The following MED13 variants were observed in gnomAD, a reference collection of about 807,000 sequenced individuals.
The protein encoded by MED13 is mediator complex subunit 13, also known as mediator of RNA polymerase II transcription subunit 13.
MED13 carries 23 observed loss-of-function variants against 225.2 expected under a neutral mutation model. The observed-to-expected ratio is 0.10, with a 90% confidence interval of 0.07 to 0.14. The LOEUF (loss-of-function observed/expected upper bound fraction) is 0.14. Among genes scored for constraint, MED13 ranks in the 10% least tolerant of loss-of-function variants. The pLI is 1.00. For missense variants in MED13, 2,197 were observed against 2,594.5 expected, an observed-to-expected ratio of 0.85 and a Z score of 3.33; for synonymous variants, 942 against 889.2, an observed-to-expected ratio of 1.06 and a Z score of -1.06.
chr17:61,985,471 T>C (rs1165953828), intron 12 of MED13, among the ~76,000 whole-genome samples: 1 of 152,072 alleles, frequency 6.6e-6, no homozygotes. Flanking sequence ...GGCCAGGAGT[T>C]TGAGACCAGC....
In MED13 at chr17:61,950,893, C is replaced by T. The variant is rs2079890983; in HGVS notation, c.6223G>A (p.Gly2075Ser). 6.2e-7 allele frequency: 1 copy of T among 1,613,834 alleles called. No individual in the cohort carries two copies. Reference protein sequence around the residue: ...LGYFVSTAKAGPLPDWFWSAC... With the variant: ...LGYFVSTAKASPLPDWFWSAC... ...GACCAGAACCAGTCAGGTAATGGAC[C>T]TGCTTTGGCAGTTGATACAAAGTAA... Residue 2075 changes from glycine to serine, a missense_variant, in exon 28 of 30, where the codon GGT becomes AGT. Gly to Ser is a moderately conservative substitution (Grantham distance 56). Transcript: ENST00000397786.
At chr17:61,967,557 C>T (rs955966264) in intron 18 of MED13, among the ~76,000 whole-genome samples, 1 of 151,956 alleles carries the variant, frequency 6.6e-6, no homozygotes, top group African/African-American at 2.4e-5. Context: ...AATTATTGCG[C>T]CTGGTGATGG....
chr17:62,053,990 A>G (rs1283168022), intron 2 of MED13, among the ~76,000 whole-genome samples: 1 of 152,150 alleles, frequency 6.6e-6, no homozygotes, highest in Admixed American at 6.5e-5. Context: ...CAAAGCAACT[A>G]ATTTTTTTTT....
In MED13 at chr17:61,945,246, T is replaced by C. The variant is rs989236656; in HGVS notation, c.*1222A>G. The stretch of plus-strand genomic sequence containing the variant: ...GCGCACACACACACACCCATACATA[T>C]GCATACTCTCACATACATTCCCAAT... On this transcript the variant is annotated 3_prime_UTR_variant, in exon 30 of 30. Coordinates refer to ENST00000397786, the MANE Select transcript of MED13 (RefSeq NM_005121.3). The C allele has an allele frequency of 3.3e-5, 5 of 151,904 alleles. No homozygotes were observed. Among genetic ancestry groups the C allele is most frequent in the Admixed American group, 6.6e-5 (1 of 15,234 alleles). 9.4% of individuals were successfully genotyped at this position (151,904 alleles called of 1,614,324 possible).
chr17:62,029,769 T>G (rs985015322), intron 7 of MED13, 82 bp downstream of exon 7: 2 of 1,513,540 alleles, frequency 1.3e-6, no homozygotes, highest in African/African-American at 1.4e-5. Context: ...ATCAAACAAA[T>G]GACTGTTTAT....
At position 61,955,652 on chromosome 17, in the gene MED13, A is replaced by G. The variant is rs761397013; in HGVS notation, c.5782+28T>C. On this transcript the variant is annotated intron_variant, in intron 25 of 29. Transcript: ENST00000397786. ...AAAAACTTAACTGCATAAAGAATTA[A>G]ATCTGATATAAACTAAAGATAGCTA... 1.3e-5 allele frequency: 20 copies of G among 1,576,584 alleles called. No homozygotes were observed. The East Asian group carries it at 4.3e-4, about 34-fold the overall frequency.
chr17:61,974,577 G>C (rs2080137648), intron 16 of MED13, among the ~76,000 whole-genome samples: 1 of 151,860 alleles, frequency 6.6e-6, no homozygotes, highest in Admixed American at 6.6e-5. Context: ...AAAAAGGAGT[G>C]ATCATGGAGG....
At chr17:62,002,489 CAAAAAAA>C (rs35736875) in intron 9 of MED13, among the ~76,000 whole-genome samples, 1 of 50,638 alleles carries the variant, frequency 2.0e-5, no homozygotes, top group African/African-American at 5.0e-5. Flanking sequence ...AACTCCATCT[CAAAAAAA>C]AAAAAAAAAA....
At chr17:62,020,556 CT>C (rs2080630713) in intron 8 of MED13, among the ~76,000 whole-genome samples, 1 of 151,386 alleles carries the variant, frequency 6.6e-6, no homozygotes, top group South Asian at 2.1e-4. Flanking sequence ...TTTTTTTGTA[CT>C]TTTAGTAGAG....
chr17:62,000,857 G>A (rs554970470), intron 9 of MED13, among the ~76,000 whole-genome samples: 18 of 152,260 alleles, frequency 1.2e-4, no homozygotes, highest in Admixed American at 1.2e-3. Flanking sequence ...CTGGCTCCCA[G>A]GTTTAAGCGA....
At chr17:61,963,202 C>CAAAAAAAAAAAA (rs11290002) in intron 20 of MED13, among the ~76,000 whole-genome samples, 102 of 55,812 alleles carry the variant, frequency 1.8e-3, no homozygotes, top group Admixed American at 3.5e-3. Context: ...TTAAATTTAC[C>CAAAAAAAAAAAA]AAAAAAAAAA....
At chr17:61,960,106 A>C (rs1204345209) in intron 23 of MED13, among the ~76,000 whole-genome samples, 2 of 152,132 alleles carry the variant, frequency 1.3e-5, no homozygotes, top group Non-Finnish European at 1.5e-5. Context: ...CTAGCCTTGA[A>C]AACATGTTTC....
chr17:62,050,834 T>C (rs1389637814), intron 3 of MED13, among the ~76,000 whole-genome samples: 4 of 152,160 alleles, frequency 2.6e-5, no homozygotes, highest in Middle Eastern at 3.4e-3. Flanking sequence ...CAAAACCCCG[T>C]TTCTACTAAA....
intron 11 of MED13, among the ~76,000 whole-genome samples, chr17:61,988,899 T>C (rs1189397404): frequency 2.0e-5 from 3 of 152,116 alleles, no homozygotes; most frequent in South Asian, 2.1e-4. Flanking sequence ...CAATTTACAA[T>C]AGATCTCTTG....
At chr17:62,056,345 G>C (rs1307669706) in intron 2 of MED13, among the ~76,000 whole-genome samples, 4 of 152,296 alleles carry the variant, frequency 2.6e-5, no homozygotes, top group African/African-American at 9.6e-5. Flanking sequence ...ACAAGTTCTT[G>C]AATCTCAACA....
In MED13 at chr17:62,010,990, T is replaced by C. The variant is rs755611745; in HGVS notation, c.1527A>G (p.Ser509=). The part of the protein sequence containing the change: ...ISAPDSQVRF[S]NIRTNDVAKT... ...TTGCTACATCATTAGTTCGGATATT[T>C]GAAAATCTCACTTGACTGTCTGGAG... Residue 509 remains serine, a synonymous_variant, in exon 9 of 30, where the codon TCA becomes TCG. Transcript: ENST00000397786. 35 of 1,613,512 alleles carry C rather than the reference T, an allele frequency of 2.2e-5. No homozygotes were observed. Among genetic ancestry groups the C allele is most frequent in the Non-Finnish European group, 2.7e-5 (32 of 1,179,526 alleles).
In MED13 at chr17:61,983,218, A is replaced by G. The variant is rs1016129933; in HGVS notation, c.2889-104T>C. The G allele has an allele frequency of 3.8e-5, 36 of 935,854 alleles. No individual in the cohort carries two copies. The South Asian group carries it at 6.6e-4, about 17-fold the overall frequency. 58.0% of individuals were successfully genotyped at this position (935,854 alleles called of 1,614,324 possible). On this transcript the variant is annotated intron_variant, in intron 15 of 29. Transcript: ENST00000397786. Reference sequence around the variant, plus strand: ...TCCCAAATGTTTTTCAATTACATAGAAAATTATGAAAGGACAAGTATTGCA... The same window carrying G: ...TCCCAAATGTTTTTCAATTACATAGGAAATTATGAAAGGACAAGTATTGCA...
rs769833975 is a variant in MED13, at chr17:62,011,149, G to C, written c.1368C>G (p.His456Gln). 3 of 1,614,062 alleles carry C rather than the reference G, an allele frequency of 1.9e-6. No individual in the cohort carries two copies. The South Asian group carries it at 3.3e-5, about 18-fold the overall frequency. ...LGQQQQILPK[H>Q]KTNEKQEKSE... is the part of the protein sequence containing the mutation. ...TCTTTTCTTGCTTCTCATTGGTCTT[G>C]TGCTTAGGAAGTATTTGTTGTTGCT... Residue 456 changes from histidine to glutamine, a missense_variant, in exon 9 of 30, where the codon CAC (histidine) becomes CAG (glutamine). Physicochemically the swap from His to Gln is conservative, Grantham distance 24. Around this residue, in one of 12 missense-constraint regions of MED13, gnomAD observed 884 missense variants for 918.5 expected, o/e 0.96. Coordinates refer to ENST00000397786, the MANE Select transcript of MED13 (RefSeq NM_005121.3).
intron 3 of MED13, among the ~76,000 whole-genome samples, chr17:62,042,560 CAAAAAA>C (rs377646442): frequency 1.7e-5 from 1 of 60,300 alleles, no homozygotes; most frequent in Non-Finnish European, 3.5e-5. Context: ...GGTTTCATCT[CAAAAAA>C]AAAAAAAAAA....
Sources: allele counts gnomAD v4.1 joint callset (sites outside exome capture counted in the v4.1 genomes callset), GRCh38; gene constraint gnomAD v4.1.1; regional missense constraint gnomAD v4.1.1; transcripts MANE v1.5; gene names NCBI Gene and HGNC (gene_info 2026-07-23, HGNC 2026-07-21).